DCLK3: variants seen among roughly 807,000 people sequenced by gnomAD.
The protein encoded by DCLK3 is doublecortin like kinase 3.
In DCLK3, 30 loss-of-function variants were observed where a neutral mutation model predicts 46.4. The ratio of observed to expected loss-of-function variants is 0.65; its 90% CI spans 0.48 to 0.88. DCLK3 has a LOEUF of 0.88. Among genes scored for constraint, DCLK3 ranks in the 40% least tolerant of loss-of-function variants. The pLI, the probability that DCLK3 is intolerant of heterozygous loss-of-function variation, is 0.00. For missense variants in DCLK3, 846 were observed against 907.1 expected, an observed-to-expected ratio of 0.93 and a Z score of 0.87; for synonymous variants, 401 against 339.2, an observed-to-expected ratio of 1.18 and a Z score of -2.00.
Position 36,737,420 on chromosome 3 carries a change from T to C in DCLK3, c.1747A>G (p.Ile583Val). The C allele has an allele frequency of 1.2e-6, 2 of 1,614,164 alleles. No individual in the cohort carries two copies. Among genetic ancestry groups the C allele is most frequent in the Middle Eastern group, 1.6e-4 (1 of 6,062 alleles). The change falls in exon 2 of 5, where the codon ATC becomes GTC. Residue 583 changes from isoleucine to valine, a missense_variant. Physicochemically the swap from Ile to Val is conservative, Grantham distance 29 (BLOSUM62 3). Transcript: ENST00000636136. This position sits in a 1 kb window ranked among gnomAD's most constrained non-coding sequence, Gnocchi z 4.4. ...LIIQSLSHPNIVKLHEVYETD... is the reference protein window; with the variant it reads ...LIIQSLSHPNVVKLHEVYETD... ...TCGTAGACTTCATGCAATTTCACGA[T>C]GTTGGGGTGAGAGAGGCTCTGGATG...
At chr3:36,751,257 G>A (rs934285136) in intron 1 of DCLK3, among the ~76,000 whole-genome samples, 21 of 152,146 alleles carry the variant, frequency 1.4e-4, no homozygotes, top group South Asian at 1.0e-3. Context: ...GCATCCAATC[G>A]GACCCACAAA....
intron 1 of DCLK3, among the ~76,000 whole-genome samples, chr3:36,762,503 T>C (rs4678550): frequency 0.18 from 26,957 of 152,120 alleles, 2,498 homozygotes; most frequent in South Asian, 0.22. Flanking sequence ...CAACTCCACA[T>C]TGGATCTCTG....
chr3:36,753,858 T>C (rs1389750424), intron 1 of DCLK3, among the ~76,000 whole-genome samples: 4 of 152,050 alleles, frequency 2.6e-5, no homozygotes, highest in African/African-American at 9.7e-5. Flanking sequence ...ATTGTTGTTG[T>C]TAAAGAAATA....
chr3:36,743,058 T>C (rs1187182615), intron 1 of DCLK3, among the ~76,000 whole-genome samples: 1 of 152,020 alleles, frequency 6.6e-6, no homozygotes, highest in Non-Finnish European at 1.5e-5. Context: ...TTCTACCAAT[T>C]TTGAACCATA....
rs200015587 is a variant in DCLK3 at position 36,721,492 on chromosome 3, A to T, written c.2092+35T>A. The T allele has an allele frequency of 1.4e-4, 222 of 1,606,478 alleles. No homozygotes were observed. In the African/African-American group the frequency reaches 2.6e-3, roughly 19 times the overall value. On this transcript the variant is annotated intron_variant, in intron 3 of 4. Coordinates refer to ENST00000636136, the MANE Select transcript of DCLK3 (RefSeq NM_001394672.2). The stretch of plus-strand genomic sequence containing the variant: ...CAAATGAAACATTTGTTAGTAAGGG[A>T]ACTAGAGTCCCACAGATCGATGTGT...
chr3:36,745,642 T>A (rs1701387848), intron 1 of DCLK3, among the ~76,000 whole-genome samples: 1 of 152,232 alleles, frequency 6.6e-6, no homozygotes, highest in African/African-American at 2.4e-5. Flanking sequence ...ACTTGTGGCC[T>A]CAGTATGCAG....
chr3:36,730,796 G>T (rs1388380657), intron 2 of DCLK3, among the ~76,000 whole-genome samples: 2 of 152,000 alleles, frequency 1.3e-5, no homozygotes, highest in South Asian at 2.1e-4. Flanking sequence ...TAATAAGGTG[G>T]TTAAGGAAGG....
In DCLK3 at chr3:36,714,450, G is replaced by A. The variant is rs886445335; in HGVS notation, c.*878C>T. Reference sequence around the variant, plus strand: ...AGCACAGAAATCTGGAATGTGTCCTGGGTGTATGCCCTGCAGGTAGGAATG... The same window carrying A: ...AGCACAGAAATCTGGAATGTGTCCTAGGTGTATGCCCTGCAGGTAGGAATG... On this transcript the variant is annotated 3_prime_UTR_variant, in exon 5 of 5. Coordinates refer to ENST00000636136, the MANE Select transcript of DCLK3 (RefSeq NM_001394672.2). 6.6e-6 allele frequency: 1 copy of A among 152,196 alleles called. No homozygotes were observed. Among genetic ancestry groups the A allele is most frequent in the African/African-American group, 2.4e-5 (1 of 41,442 alleles). The allele number at this position is 152,196 out of a possible 1,614,324, so 9.4% of individuals were successfully genotyped here.
intron 3 of DCLK3, 47 bp from the exon 4 acceptor site, chr3:36,718,224 G>C: frequency 6.2e-7 from 1 of 1,608,866 alleles, no homozygotes; most frequent in Non-Finnish European, 8.5e-7. Flanking sequence ...GACCAGGCAG[G>C]GTCAAAGGTG....
rs1332558137 is a variant in DCLK3 at position 36,764,450 on chromosome 3, G to T, written c.-187C>A. On this transcript the variant is annotated 5_prime_UTR_variant, in exon 1 of 5. Coordinates refer to ENST00000636136, the MANE Select transcript of DCLK3 (RefSeq NM_001394672.2). The surrounding 1 kb of genome is among the most constrained non-coding windows in gnomAD (Gnocchi z 4.9). ...AGCCCCGCGCCGCGCAGCGCCCGGC[G>T]ACAGCCACCGGGAACGTCTCCGGGG... The T allele has an allele frequency of 2.4e-5, 4 of 167,236 alleles. No homozygotes were observed. The South Asian group carries it at 5.5e-4, about 23-fold the overall frequency. The allele number at this position is 167,236 out of a possible 1,614,324, so 10.4% of individuals were successfully genotyped here.
chr3:36,750,473 A>T (rs1044601589), intron 1 of DCLK3, among the ~76,000 whole-genome samples: 3 of 152,214 alleles, frequency 2.0e-5, no homozygotes, highest in Admixed American at 2.0e-4. Context: ...CATCCACCAG[A>T]CTAAGAAAGG....
At chr3:36,757,359 G>A (rs1245476237) in intron 1 of DCLK3, among the ~76,000 whole-genome samples, 2 of 152,064 alleles carry the variant, frequency 1.3e-5, no homozygotes, top group Non-Finnish European at 2.9e-5. Flanking sequence ...AAAGTTGATC[G>A]TTTGTGCTCT....
At chr3:36,758,916 T>G (rs1701512374) in intron 1 of DCLK3, among the ~76,000 whole-genome samples, 1 of 152,222 alleles carries the variant, frequency 6.6e-6, no homozygotes. Context: ...GGGATTTCAT[T>G]TTAGCAAAAA....
At chr3:36,720,538 C>T (rs1269721547) in intron 3 of DCLK3, among the ~76,000 whole-genome samples, 11 of 137,434 alleles carry the variant, frequency 8.0e-5, no homozygotes, top group African/African-American at 2.4e-4. Flanking sequence ...AAGTTTCACT[C>T]TTGTTGCCCA....
At chr3:36,717,870 G>GA (rs1701004510) in intron 4 of DCLK3, 140 bp downstream of exon 4, 1 of 1,136,762 alleles carries the variant, frequency 8.8e-7, no homozygotes, top group East Asian at 2.4e-5. Context: ...AAACCTACAT[G>GA]AAGCTACTGA....
chr3:36,731,841 C>G (rs959577979), intron 2 of DCLK3, among the ~76,000 whole-genome samples: 1 of 152,144 alleles, frequency 6.6e-6, no homozygotes, highest in Non-Finnish European at 1.5e-5. Context: ...ACATGTGGGA[C>G]TTCCACAAGA....
chr3:36,754,058 C>T (rs1044525262), intron 1 of DCLK3, among the ~76,000 whole-genome samples: 2 of 152,172 alleles, frequency 1.3e-5, no homozygotes, highest in African/African-American at 4.8e-5. Flanking sequence ...ATATAATCTT[C>T]AAAACCAGTA....
At position 36,724,203 on chromosome 3, in the gene DCLK3, C is replaced by T. The variant is rs116101320; in HGVS notation, c.1960-2544G>A. 4.8e-3 allele frequency among the ~76,000 whole-genome samples: 736 copies of T among 152,342 alleles called. 8 individuals carry two copies. The highest frequency in any genetic ancestry group is 0.016 in the African/African-American group (670 of 41,586). ...GGCCCCTTTGTTTTGGCCAATTCCTCCCAGTTGAAATGGCTGTATTTACCC... is the reference window on the plus strand; with the variant it reads ...GGCCCCTTTGTTTTGGCCAATTCCTTCCAGTTGAAATGGCTGTATTTACCC... On this transcript the variant is annotated intron_variant, in intron 2 of 4. Coordinates refer to ENST00000636136, the MANE Select transcript of DCLK3 (RefSeq NM_001394672.2).
At chr3:36,761,137 A>G (rs939356653) in intron 1 of DCLK3, among the ~76,000 whole-genome samples, 3 of 152,198 alleles carry the variant, frequency 2.0e-5, no homozygotes, top group Non-Finnish European at 2.9e-5. Context: ...TCTGGTGATT[A>G]TCTCTATTCT....
Sources: gnomAD v4.1 joint callset for allele counts (sites outside exome capture counted in the v4.1 genomes callset) on GRCh38, gnomAD v4.1.1 for gene constraint, Gnocchi (gnomAD v3.1) non-coding constraint, MANE v1.5 for transcripts, NCBI Gene and HGNC (gene_info 2026-07-23, HGNC 2026-07-21) for gene names.